ADGRL1: variants seen among roughly 807,000 people sequenced by gnomAD.
The protein encoded by ADGRL1 is CIRL-1.
A neutral mutation model predicts 148.9 loss-of-function variants in ADGRL1; 31 were observed. The ratio of observed to expected loss-of-function variants is 0.21; its 90% CI spans 0.16 to 0.28. ADGRL1 has a LOEUF of 0.28. Among genes scored for constraint, ADGRL1 ranks in the 10% least tolerant of loss-of-function variants. ADGRL1 has a pLI of 1.00. For missense variants in ADGRL1, 1,521 were observed against 2,058.8 expected (o/e 0.74, Z 5.05); for synonymous variants, 937 against 900.3 (o/e 1.04, Z -0.73).
At chr19:14,203,172 C>T (rs563591551) in intron 1 of ADGRL1, among the ~76,000 whole-genome samples, 1 of 152,224 alleles carries the variant, frequency 6.6e-6, no homozygotes, top group African/African-American at 2.4e-5. Flanking sequence ...CCAGGGAACC[C>T]CCGCCTCAGG....
rs1434602919 is a variant in ADGRL1 at position 14,156,738 on chromosome 19, A to C, written c.2967-14T>G. ...CGGAGCCAGCAGCTGTAAAGGAAAC[A>C]GGGCCGGGGTATAGAGAGAAGCCGA... On this transcript the variant is annotated splice_polypyrimidine_tract_variant and intron_variant, in intron 15 of 22. Coordinates refer to ENST00000361434, the MANE Select transcript of ADGRL1 (RefSeq NM_014921.5). 6.2e-7 allele frequency: 1 copy of C among 1,605,214 alleles called. No homozygotes were observed. Among genetic ancestry groups the C allele is most frequent in the South Asian group, 1.1e-5 (1 of 89,666 alleles).
chr19:14,167,907 G>A (rs1378700971), intron 4 of ADGRL1, among the ~76,000 whole-genome samples: 7 of 151,900 alleles, frequency 4.6e-5, no homozygotes, highest in African/African-American at 9.7e-5. Flanking sequence ...TGGGAGCTCC[G>A]CCCTGCCCGC....
intron 1 of ADGRL1, among the ~76,000 whole-genome samples, chr19:14,199,652 C>A (rs1972476170): frequency 6.6e-6 from 1 of 152,162 alleles, no homozygotes; most frequent in Non-Finnish European, 1.5e-5. Flanking sequence ...GTCTCAAACT[C>A]AAGCGATCCT....
chr19:14,160,255 C>A lies in ADGRL1; in HGVS notation c.1657G>T (p.Ala553Ser). Residue 553 changes from alanine to serine, a missense_variant, in exon 8 of 23, where the codon GCC (alanine) becomes TCC (serine). Transcript: ENST00000361434. This position sits in a 1 kb window ranked among gnomAD's most constrained non-coding sequence, Gnocchi z 5.9. The part of the protein sequence containing the change: ...ENAANIASEL[A>S]RHTRGSIYAG... ...TAGATGGAGCCCCGGGTGTGTCGGGCCAGCTCGCTGGCGATGTTGGCCGCG... is the reference window on the plus strand; with the variant it reads ...TAGATGGAGCCCCGGGTGTGTCGGGACAGCTCGCTGGCGATGTTGGCCGCG... The A allele has an allele frequency of 6.3e-7, 1 of 1,594,560 alleles. No individual in the cohort carries two copies.
At chr19:14,185,505 G>A (rs1420912385) in intron 1 of ADGRL1, among the ~76,000 whole-genome samples, 1 of 152,006 alleles carries the variant, frequency 6.6e-6, no homozygotes, top group Non-Finnish European at 1.5e-5. Context: ...TGTTGCCCAA[G>A]CTGGTCTTGA....
rs1224284911 is a variant in ADGRL1, at chr19:14,157,967, C to A, written c.2450G>T (p.Arg817Leu). The A allele has an allele frequency of 5.0e-6, 8 of 1,614,200 alleles. No individual in the cohort carries two copies. The highest frequency in any genetic ancestry group is 6.8e-6 in the Non-Finnish European group (8 of 1,180,026). ...MLGYWSTQGC[R>L]LVESNKTHTT... ...ATGGGTCTTGTTGGACTCCACCAGG[C>A]GGCAGCCTTGGGTCGACCAGTAGCC... The change falls in exon 13 of 23, where the codon CGC becomes CTC. Residue 817 changes from arginine to leucine, a missense_variant. Physicochemically the swap from Arg to Leu is moderately radical, Grantham distance 102. Coordinates refer to ENST00000361434, the MANE Select transcript of ADGRL1 (RefSeq NM_014921.5). The surrounding 1 kb of genome is among the most constrained non-coding windows in gnomAD (Gnocchi z 7.5).
At chr19:14,177,364 G>A (rs556615409) in intron 3 of ADGRL1, among the ~76,000 whole-genome samples, 167 bp downstream of exon 3, 19 of 152,288 alleles carry the variant, frequency 1.2e-4, no homozygotes, top group African/African-American at 4.3e-4. Context: ...GTGGGGAGAT[G>A]TACTGGGTCT....
chr19:14,179,895 GACAA>G (rs902549027), intron 2 of ADGRL1, among the ~76,000 whole-genome samples: 12 of 152,132 alleles, frequency 7.9e-5, no homozygotes, highest in Non-Finnish European at 1.3e-4. Flanking sequence ...CAGCCTGGGC[GACAA>G]ACAAAGACAC....
At chr19:14,195,385 G>C (rs1351585374) in intron 1 of ADGRL1, among the ~76,000 whole-genome samples, 1 of 151,470 alleles carries the variant, frequency 6.6e-6, no homozygotes, top group African/African-American at 2.4e-5. Context: ...TGGGGGAGAG[G>C]GGGCGCCTCT....
At chr19:14,168,107 G>A (rs1356044413) in intron 4 of ADGRL1, among the ~76,000 whole-genome samples, 2 of 150,478 alleles carry the variant, frequency 1.3e-5, no homozygotes, top group South Asian at 2.1e-4. Flanking sequence ...CTGAAGCCCT[G>A]GGCCAGGTGG....
At chr19:14,193,603 TGTTG>T (rs1197117050) in intron 1 of ADGRL1, among the ~76,000 whole-genome samples, 1 of 151,828 alleles carries the variant, frequency 6.6e-6, no homozygotes, top group Non-Finnish European at 1.5e-5. Flanking sequence ...ACAAAAGATA[TGTTG>T]AAGTCCCAAC....
chr19:14,174,422 TCCAGCCCAGC>T (rs773171675), intron 3 of ADGRL1, among the ~76,000 whole-genome samples: 1 of 151,820 alleles, frequency 6.6e-6, no homozygotes, highest in Non-Finnish European at 1.5e-5. Flanking sequence ...ATGAGGTGCC[TCCAGCCCAGC>T]CCAGCCCAGC....
intron 1 of ADGRL1, among the ~76,000 whole-genome samples, chr19:14,201,808 G>A (rs538811499): frequency 4.7e-4 from 71 of 152,186 alleles, no homozygotes; most frequent in African/African-American, 1.6e-3. Context: ...ATCCTCGCGC[G>A]CTTGGATCCT....
intron 4 of ADGRL1, 144 bp downstream of exon 4, chr19:14,170,536 ATG>A: frequency 1.7e-6 from 1 of 580,836 alleles, no homozygotes; most frequent in Non-Finnish European, 3.2e-6. Flanking sequence ...GGATTAGAGA[ATG>A]TGTGTTGGAG....
At chr19:14,186,338 T>C (rs2145058195) in intron 1 of ADGRL1, among the ~76,000 whole-genome samples, 1 of 152,328 alleles carries the variant, frequency 6.6e-6, no homozygotes, top group South Asian at 2.1e-4. Context: ...GATTACTGCG[T>C]GAGGCCATCA....
chr19:14,158,216 G>T, intron 12 of ADGRL1, 122 bp downstream of exon 12: 1 of 1,252,170 alleles, frequency 8.0e-7, no homozygotes, highest in Non-Finnish European at 1.1e-6. Flanking sequence ...AATGGCCCAA[G>T]CTCTAAAGTG....
rs1438623370 is a variant in ADGRL1, at chr19:14,158,433, C to T, written c.2269G>A (p.Val757Met). 6.2e-7 allele frequency: 1 copy of T among 1,613,842 alleles called. No individual in the cohort carries two copies. The highest frequency in any genetic ancestry group is 2.2e-5 in the East Asian group (1 of 44,878). ...GPGGPGGASL[V>M]VNSQVIAASI... ...GCTGCGATGACCTGTGAGTTCACCACTAGAGAGGCGCCCCCAGGGCCACCC... is the reference window on the plus strand; with the variant it reads ...GCTGCGATGACCTGTGAGTTCACCATTAGAGAGGCGCCCCCAGGGCCACCC... The change falls in exon 12 of 23, where the codon GTG becomes ATG. Residue 757 changes from valine (V) to methionine (M), a missense_variant. Val to Met is a conservative substitution (Grantham distance 21). Transcript: ENST00000361434.
intron 1 of ADGRL1, among the ~76,000 whole-genome samples, chr19:14,204,750 G>C (rs375413981): frequency 3.3e-5 from 5 of 151,606 alleles, no homozygotes; most frequent in Non-Finnish European, 5.9e-5. Flanking sequence ...GACAGACAGA[G>C]AGAGAGAGAG....
rs1309228366 is a variant in ADGRL1 at position 14,152,917 on chromosome 19, G to A, written c.3295-5C>T. 1.2e-6 allele frequency: 2 copies of A among 1,613,624 alleles called. No homozygotes were observed. The highest frequency in any genetic ancestry group is 2.2e-5 in the South Asian group (2 of 91,030). ...CTTGCTGTACTCCTTGTGCACCTGG[G>A]AGGTGGAGGACAGTCAGCTGGCTGG... On this transcript the variant is annotated splice_polypyrimidine_tract_variant and splice_region_variant and intron_variant, in intron 18 of 22. Coordinates refer to ENST00000361434, the MANE Select transcript of ADGRL1 (RefSeq NM_014921.5). The surrounding 1 kb of genome is among the most constrained non-coding windows in gnomAD (Gnocchi z 6.1).
Sources: allele counts gnomAD v4.1 joint callset (sites outside exome capture counted in the v4.1 genomes callset), GRCh38; gene constraint gnomAD v4.1.1; non-coding constraint Gnocchi (gnomAD v3.1); transcripts MANE v1.5; gene names NCBI Gene and HGNC (gene_info 2026-07-23, HGNC 2026-07-21).